Variants in BACE2 observed in about 807,000 individuals in gnomAD.
BACE2 encodes beta-secretase 2.
Under a neutral mutation model 46.2 loss-of-function variants are expected in BACE2, and 17 were observed. That is an observed-to-expected ratio of 0.37 (90% CI 0.25 to 0.55). The LOEUF (loss-of-function observed/expected upper bound fraction) is 0.55, where lower values mean the gene tolerates loss of function less well. Ranked by LOEUF, BACE2 falls within the 20% of genes least tolerant of loss-of-function variation. The pLI, the probability that BACE2 is intolerant of heterozygous loss-of-function variation, is 0.82. For synonymous variants in BACE2, 277 were observed against 295.9 expected (o/e 0.94, Z 0.66); for missense variants, 595 against 698.1 (o/e 0.85, Z 1.66).
Position 41,276,092 on chromosome 21 carries a change from G to A in BACE2, c.*468G>A, listed in dbSNP as rs2088486387. On this transcript the variant is annotated 3_prime_UTR_variant, in exon 9 of 9. Coordinates refer to ENST00000330333, the MANE Select transcript of BACE2 (RefSeq NM_012105.5). ...AACCTGGGTCAAAGTGGTACAGGAA[G>A]GCTTGCAGTATGATGGCAGGAGAAT... 1 of 163,260 alleles carries A rather than the reference G, an allele frequency of 6.1e-6. No homozygotes were observed. Among genetic ancestry groups the A allele is most frequent in the African/African-American group, 2.4e-5 (1 of 41,548 alleles). The allele number at this position is 163,260 out of a possible 1,614,324, so 10.1% of individuals were successfully genotyped here. A position where few individuals can be genotyped will look rare whatever the true frequency, so the allele number is the denominator to read the frequency against.
At chr21:41,247,823 G>T (rs1310558880) in intron 6 of BACE2, among the ~76,000 whole-genome samples, 1 of 152,210 alleles carries the variant, frequency 6.6e-6, no homozygotes, top group Non-Finnish European at 1.5e-5. Context: ...TGGGAAGGTT[G>T]TTTGTCTTGG....
rs762301143 is a variant in BACE2 at position 41,275,344 on chromosome 21, G to A, written c.1304-27G>A. 17 of 1,613,526 alleles carry A rather than the reference G, an allele frequency of 1.1e-5. No individual in the cohort carries two copies. In the East Asian group the frequency reaches 3.8e-4, roughly 36 times the overall value. ...GAGGTGGACCGCTCATTTCACAGCT[G>A]TGGATTTTCCCTTTCTGTCTCCCCA... On this transcript the variant is annotated intron_variant, in intron 8 of 8. Coordinates refer to ENST00000330333, the MANE Select transcript of BACE2 (RefSeq NM_012105.5).
rs746485887 is a variant in BACE2 at position 41,275,498 on chromosome 21, C to T, written c.1431C>T (p.Ser477=). 8.7e-6 allele frequency: 14 copies of T among 1,613,954 alleles called. No individual in the cohort carries two copies. Among genetic ancestry groups the T allele is most frequent in the African/African-American group, 8.0e-5 (6 of 74,888 alleles). Residue 477 remains serine, a synonymous_variant, in exon 9 of 9, where the codon AGC becomes AGT. Transcript: ENST00000330333. ...GGATTGTGTCCTATGCGCTCATGAG[C>T]GTCTGTGGAGCCATCCTCCTTGTCT... ...ILWIVSYALM[S]VCGAILLVLI... is the part of the protein sequence containing the mutation.
chr21:41,188,754 A>C (rs1057231460), intron 1 of BACE2, among the ~76,000 whole-genome samples: 5 of 152,226 alleles, frequency 3.3e-5, no homozygotes, highest in Non-Finnish European at 7.3e-5. Context: ...ACTGGGGTCA[A>C]TCAGAAGTCA....
At chr21:41,214,055 G>A (rs1241822985) in intron 1 of BACE2, among the ~76,000 whole-genome samples, 3 of 152,130 alleles carry the variant, frequency 2.0e-5, no homozygotes, top group Non-Finnish European at 1.5e-5. Context: ...CTCACTCACC[G>A]TGAGCCAGCA....
intron 1 of BACE2, among the ~76,000 whole-genome samples, chr21:41,172,715 C>T (rs1240132136): frequency 1.3e-5 from 2 of 152,218 alleles, no homozygotes; most frequent in African/African-American, 4.8e-5. Flanking sequence ...ACTGTAGTGT[C>T]ACACCTGTGA....
At chr21:41,177,642 T>C (rs1984907162) in intron 1 of BACE2, 1 of 152,222 alleles carries the variant, frequency 6.6e-6, no homozygotes, top group South Asian at 2.1e-4. Context: ...TGCGGTGTAT[T>C]AGAACCTTAG....
chr21:41,233,674 A>G (rs994258908), intron 2 of BACE2, among the ~76,000 whole-genome samples: 2 of 152,244 alleles, frequency 1.3e-5, no homozygotes, highest in Admixed American at 6.5e-5. Flanking sequence ...CAATTACTCT[A>G]CCAGGGCTGG....
chr21:41,199,745 C>T (rs916157910), intron 1 of BACE2, among the ~76,000 whole-genome samples: 7 of 152,188 alleles, frequency 4.6e-5, no homozygotes, highest in African/African-American at 1.7e-4. Flanking sequence ...CCTCTCCCAG[C>T]CCCAGCTCTC....
chr21:41,216,074 G>A (rs551816079), intron 1 of BACE2, among the ~76,000 whole-genome samples: 16 of 152,296 alleles, frequency 1.1e-4, no homozygotes, highest in Non-Finnish European at 1.6e-4. Context: ...TTGTTTGAGA[G>A]CGCGTCGTGT....
chr21:41,271,110 GCC>G (rs1247479521), intron 8 of BACE2, among the ~76,000 whole-genome samples: 6 of 151,986 alleles, frequency 3.9e-5, no homozygotes, highest in African/African-American at 1.5e-4. Context: ...TAATAATATA[GCC>G]ACTCTGGATT....
chr21:41,254,636 A>G (rs1270614200), intron 7 of BACE2, among the ~76,000 whole-genome samples: 1 of 152,218 alleles, frequency 6.6e-6, no homozygotes, highest in Non-Finnish European at 1.5e-5. Context: ...AGAAATTGTT[A>G]CTGCTGGTAG....
At chr21:41,203,026 G>A (rs971329031) in intron 1 of BACE2, among the ~76,000 whole-genome samples, 2 of 152,154 alleles carry the variant, frequency 1.3e-5, no homozygotes, top group African/African-American at 4.8e-5. Flanking sequence ...TTGGCAAATC[G>A]ATATTTCATG....
chr21:41,246,163 C>G, intron 6 of BACE2, 100 bp downstream of exon 6: 3 of 720,046 alleles, frequency 4.2e-6, no homozygotes, highest in Non-Finnish European at 6.5e-6. Flanking sequence ...ACTATTGCGC[C>G]ATGTATTTCC....
At position 41,241,826 on chromosome 21, in the gene BACE2, G is replaced by A; in HGVS notation, c.626G>A (p.Ser209Asn). The A allele has an allele frequency of 1.2e-6, 2 of 1,614,158 alleles. No homozygotes were observed. Among genetic ancestry groups the A allele is most frequent in the East Asian group, 4.5e-5 (2 of 44,880 alleles). The change falls in exon 4 of 9, where the codon AGT (serine) becomes AAT (asparagine). Residue 209 changes from serine (S) to asparagine (N), a missense_variant. By Grantham distance (46) the Ser-to-Asn change is conservative. Around this residue, in one of 3 missense-constraint regions of BACE2, gnomAD observed 343 missense variants for 419.4 expected, o/e 0.82. Coordinates refer to ENST00000330333, the MANE Select transcript of BACE2 (RefSeq NM_012105.5). ...TCTGTCGCCCTCCCGCAGCCATCAA[G>A]TTCTCTGGAGACCTTCTTCGACTCC... is the stretch of plus-strand genomic sequence containing the variant. The part of the protein sequence containing the change: ...LAYATLAKPS[S>N]SLETFFDSLV...
intron 8 of BACE2, among the ~76,000 whole-genome samples, chr21:41,271,734 G>C (rs2088436945): frequency 1.3e-5 from 2 of 152,136 alleles, no homozygotes; most frequent in Admixed American, 1.3e-4. Context: ...TATAGTCTAA[G>C]AGCCTTCCAA....
At chr21:41,272,771 A>T (rs1000845570) in intron 8 of BACE2, among the ~76,000 whole-genome samples, 46 of 152,040 alleles carry the variant, frequency 3.0e-4, no homozygotes, top group Admixed American at 3.0e-3. Flanking sequence ...TTTCTTACTA[A>T]GTTCCAATTG....
chr21:41,262,802 G>T (rs940375611), intron 8 of BACE2, among the ~76,000 whole-genome samples: 3 of 152,080 alleles, frequency 2.0e-5, no homozygotes, highest in African/African-American at 7.2e-5. Flanking sequence ...CTTGTGAGTT[G>T]TTGGGAATAT....
chr21:41,232,316 T>C (rs1986988264), intron 2 of BACE2, among the ~76,000 whole-genome samples: 2 of 152,268 alleles, frequency 1.3e-5, no homozygotes, highest in African/African-American at 4.8e-5. Context: ...TTGACCTCCT[T>C]AGCTGAGACA....
Sources: allele counts gnomAD v4.1 joint callset (sites outside exome capture counted in the v4.1 genomes callset), GRCh38; gene constraint gnomAD v4.1.1; regional missense constraint gnomAD v4.1.1; transcripts MANE v1.5; gene names NCBI Gene and HGNC (gene_info 2026-07-23, HGNC 2026-07-21).